The following CALN1 variants were observed in gnomAD, a reference collection of about 807,000 sequenced individuals.
The protein encoded by CALN1 is calneuron 1, also known as calcium-binding protein 8.
Under a neutral mutation model 30.6 loss-of-function variants are expected in CALN1, and 17 were observed. The observed-to-expected ratio is 0.56, with a 90% CI of 0.38 to 0.83. The LOEUF (loss-of-function observed/expected upper bound fraction) is 0.83. Ranked by LOEUF, CALN1 falls within the 40% of genes least tolerant of loss-of-function variation. CALN1 has a pLI of 0.00. For synonymous variants in CALN1, 156 were observed against 131.4 expected (o/e 1.19, Z -1.28); for missense variants, 291 against 354.9 (o/e 0.82, Z 1.45).
chr7:72,409,298 A>C (rs1034947518), intron 1 of CALN1, among the ~76,000 whole-genome samples: 2 of 151,804 alleles, frequency 1.3e-5, no homozygotes, highest in African/African-American at 2.4e-5. Context: ...CTGGCCCAGC[A>C]TACTCTTAAA....
At chr7:71,821,697 C>G (rs1788599315) in intron 5 of CALN1, among the ~76,000 whole-genome samples, 1 of 151,808 alleles carries the variant, frequency 6.6e-6, no homozygotes, top group African/African-American at 2.4e-5. Flanking sequence ...TATTTCAGTG[C>G]TTTGTTAATG....
intron 5 of CALN1, among the ~76,000 whole-genome samples, chr7:71,882,076 A>T (rs1451444341): frequency 6.6e-6 from 1 of 152,030 alleles, no homozygotes; most frequent in Admixed American, 6.6e-5. Flanking sequence ...CTTAAAAAAA[A>T]AATTGGAGGT....
chr7:71,799,986 A>G (rs1200456203), intron 6 of CALN1, among the ~76,000 whole-genome samples: 1 of 152,218 alleles, frequency 6.6e-6, no homozygotes, highest in East Asian at 1.9e-4. Flanking sequence ...ACAGCACAGG[A>G]GAACTGCGAA....
chr7:72,333,590 A>T (rs1196710170), intron 2 of CALN1, among the ~76,000 whole-genome samples: 1 of 151,938 alleles, frequency 6.6e-6, no homozygotes, highest in African/African-American at 2.4e-5. Context: ...TGCACTGCTT[A>T]ATGGTTCTCA....
upstream of CALN1, among the ~76,000 whole-genome samples, chr7:72,413,370 C>T (rs886656085): frequency 2.0e-5 from 3 of 151,954 alleles, no homozygotes; most frequent in African/African-American, 7.3e-5. Context: ...CATCCACACA[C>T]ACCCACGAAC....
chr7:72,345,151 G>C (rs1254627839), intron 2 of CALN1, among the ~76,000 whole-genome samples: 5 of 149,834 alleles, frequency 3.3e-5, no homozygotes, highest in Admixed American at 2.0e-4. Flanking sequence ...ATTATACAAT[G>C]CCAAAAGAAA....
chr7:72,314,376 C>CATATATACACATATATACACAT (rs1562875532), intron 2 of CALN1, among the ~76,000 whole-genome samples: 5 of 41,940 alleles, frequency 1.2e-4, no homozygotes, highest in Non-Finnish European at 2.7e-4. Context: ...CATATATACA[C>CATATATACACATATATACACAT]ATATATACAC....
intron 4 of CALN1, among the ~76,000 whole-genome samples, chr7:72,075,504 C>A (rs865984023): frequency 6.6e-6 from 1 of 152,176 alleles, no homozygotes; most frequent in Non-Finnish European, 1.5e-5. Context: ...TTCTGTCTAC[C>A]GGTTGAACCT....
intron 5 of CALN1, among the ~76,000 whole-genome samples, chr7:71,937,582 G>T (rs1279902921): frequency 6.6e-6 from 1 of 152,096 alleles, no homozygotes; most frequent in Non-Finnish European, 1.5e-5. Flanking sequence ...AGGCTCAAGG[G>T]ATCCTCCCAC....
At chr7:72,314,838 T>TA (rs10538743) in intron 2 of CALN1, among the ~76,000 whole-genome samples, 1,520 of 144,032 alleles carry the variant, frequency 0.011, 9 homozygotes, top group African/African-American at 0.025. Flanking sequence ...AACATTTTGT[T>TA]AAAAAAAAAA....
intron 3 of CALN1, among the ~76,000 whole-genome samples, chr7:72,131,425 G>T (rs2129542839): frequency 6.6e-6 from 1 of 152,278 alleles, no homozygotes; most frequent in East Asian, 1.9e-4. Context: ...CTCCAGTGGG[G>T]AGCTGAGCTA....
intron 4 of CALN1, among the ~76,000 whole-genome samples, chr7:72,027,750 CACACACACAA>C (rs1294208720): frequency 2.7e-5 from 4 of 149,760 alleles, no homozygotes; most frequent in African/African-American, 9.9e-5. Context: ...CACACACACA[CACACACACAA>C]AAACACATGA....
intron 3 of CALN1, among the ~76,000 whole-genome samples, chr7:72,242,327 C>T (rs1198809671): frequency 6.6e-6 from 1 of 152,130 alleles, no homozygotes; most frequent in Non-Finnish European, 1.5e-5. Context: ...CTGTTTGAGT[C>T]CCTGCTTTCC....
At chr7:72,345,485 A>AAGGGAGAG (rs1230302226) in intron 2 of CALN1, among the ~76,000 whole-genome samples, 1 of 144,458 alleles carries the variant, frequency 6.9e-6, no homozygotes, top group African/African-American at 2.5e-5. Flanking sequence ...AAGGGAAGGG[A>AAGGGAGAG]AGGGAGAGAG....
At chr7:71,899,366 C>A (rs1325425324) in intron 5 of CALN1, among the ~76,000 whole-genome samples, 1 of 152,108 alleles carries the variant, frequency 6.6e-6, no homozygotes, top group Admixed American at 6.5e-5. Flanking sequence ...TGGTCTCGAA[C>A]TGCCGACCTC....
intron 5 of CALN1, among the ~76,000 whole-genome samples, chr7:71,970,387 C>G (rs1041851991): frequency 2.6e-5 from 4 of 152,120 alleles, no homozygotes; most frequent in Non-Finnish European, 5.9e-5. Context: ...TCTGACTAAG[C>G]AAACACCCTC....
At chr7:72,131,798 C>T (rs1809166924) in intron 3 of CALN1, among the ~76,000 whole-genome samples, 1 of 152,208 alleles carries the variant, frequency 6.6e-6, no homozygotes, top group East Asian at 1.9e-4. Flanking sequence ...CTCAACCCAA[C>T]TAGTTACGTT....
intron 5 of CALN1, among the ~76,000 whole-genome samples, chr7:71,994,656 G>A (rs943953501): frequency 2.0e-4 from 30 of 152,134 alleles, no homozygotes; most frequent in African/African-American, 6.7e-4. Flanking sequence ...AAGTTTAATA[G>A]GCGAAAGAAA....
chr7:72,414,641 T>A (rs974923776), upstream of CALN1, among the ~76,000 whole-genome samples: 4 of 152,192 alleles, frequency 2.6e-5, no homozygotes, highest in African/African-American at 9.6e-5. Context: ...GAATTTGCCA[T>A]AAGCTGTATT....
Sources: gnomAD v4.1 joint callset for allele counts (sites outside exome capture counted in the v4.1 genomes callset) on GRCh38, gnomAD v4.1.1 for gene constraint, MANE v1.5 for transcripts, NCBI Gene and HGNC (gene_info 2026-07-23, HGNC 2026-07-21) for gene names.